Variants in TTLL5 observed in about 807,000 individuals in gnomAD.
TTLL5 encodes the protein tubulin polyglutamylase TTLL5.
In TTLL5, 132 loss-of-function variants were observed where a neutral mutation model predicts 168.4. The ratio of observed to expected loss-of-function variants is 0.78; its 90% confidence interval spans 0.68 to 0.91. The LOEUF (loss-of-function observed/expected upper bound fraction) is 0.91, where lower values mean the gene tolerates loss of function less well. TTLL5 is among the 40% of genes least tolerant of loss of function. The pLI is 0.00. For missense variants in TTLL5, 1,545 were observed against 1,581.5 expected (o/e 0.98, Z 0.39); for synonymous variants, 546 against 558.6 (o/e 0.98, Z 0.32).
chr14:75,750,575 G>A (rs749207329), intron 17 of TTLL5, among the ~76,000 whole-genome samples: 9 of 151,262 alleles, frequency 5.9e-5, no homozygotes, highest in African/African-American at 1.2e-4. Flanking sequence ...TGCAAAATAC[G>A]TGTTAATCCA....
chr14:75,771,704 A>G (rs768249062), intron 20 of TTLL5, 30 bp from the exon 21 acceptor site: 4 of 1,612,804 alleles, frequency 2.5e-6, no homozygotes, highest in East Asian at 4.5e-5. Flanking sequence ...CTTCTGTCAC[A>G]TAACGGTATG....
intron 9 of TTLL5, chr14:75,709,205 C>T (rs1302494869): frequency 3.9e-6 from 3 of 761,886 alleles, no homozygotes; most frequent in African/African-American, 3.4e-5. Flanking sequence ...ATGGGAAATA[C>T]CATGGATAAA....
chr14:75,886,702 C>T (rs901816442), intron 30 of TTLL5: 4 of 1,597,766 alleles, frequency 2.5e-6, no homozygotes, highest in South Asian at 1.1e-5. Context: ...TAATTTAGTA[C>T]CCGCTTCAGA....
intron 20 of TTLL5, among the ~76,000 whole-genome samples, chr14:75,768,791 G>A (rs536340303): frequency 4.5e-4 from 68 of 152,258 alleles, no homozygotes; most frequent in African/African-American, 1.4e-3. Flanking sequence ...GGGTGACATT[G>A]GAGTAGCAGG....
intron 10 of TTLL5, 72 bp from the exon 11 acceptor site, chr14:75,719,663 A>C: frequency 1.6e-5 from 21 of 1,280,684 alleles, no homozygotes; most frequent in South Asian, 3.3e-5. Flanking sequence ...CAAGAAGGCT[A>C]TTTGCAAAGA....
rs550181018 is a variant in TTLL5, at chr14:75,791,045, G to T, written c.2987-1871G>T. On this transcript the variant is annotated intron_variant, in intron 26 of 31. Coordinates refer to ENST00000298832, the MANE Select transcript of TTLL5 (RefSeq NM_015072.5). ...GGCGTGAACCTGGGAGGCGGAGCTT[G>T]CAGTGAGCCAAGATCGCGCCACTGC... Among the ~76,000 whole-genome samples, 8 of 139,720 alleles carry T rather than the reference G, an allele frequency of 5.7e-5. No homozygotes were observed. The East Asian group carries it at 1.7e-3, about 29-fold the overall frequency. 91.7% of individuals were successfully genotyped at this position (139,720 alleles called of 152,430 possible). A position where few individuals can be genotyped will look rare whatever the true frequency, so the allele number is the denominator to read the frequency against.
intron 31 of TTLL5, among the ~76,000 whole-genome samples, chr14:75,931,740 A>G (rs1433613434): frequency 6.6e-6 from 1 of 152,196 alleles, no homozygotes; most frequent in Non-Finnish European, 1.5e-5. Context: ...ACATAGGTTT[A>G]AATTCCAGTC....
intron 21 of TTLL5, among the ~76,000 whole-genome samples, chr14:75,772,652 C>G (rs1220448791): frequency 6.6e-6 from 1 of 151,622 alleles, no homozygotes; most frequent in African/African-American, 2.4e-5. Flanking sequence ...TGGAAGAAGC[C>G]ACAGCCCTTC....
At chr14:75,664,095 A>C (rs1044471788) in intron 2 of TTLL5, among the ~76,000 whole-genome samples, 3 of 152,152 alleles carry the variant, frequency 2.0e-5, no homozygotes, top group Non-Finnish European at 4.4e-5. Flanking sequence ...AAAAAAAAAA[A>C]AAAGAATGAT....
At chr14:75,731,439 G>A (rs1888539313) in intron 12 of TTLL5, among the ~76,000 whole-genome samples, 2 of 148,686 alleles carry the variant, frequency 1.3e-5, no homozygotes, top group Non-Finnish European at 3.0e-5. Flanking sequence ...GTACATTACC[G>A]TGATTTTTGT....
intron 28 of TTLL5, among the ~76,000 whole-genome samples, chr14:75,837,816 CATATAT>C (rs945969365): frequency 4.6e-5 from 7 of 151,962 alleles, no homozygotes; most frequent in African/African-American, 1.7e-4. Context: ...TTTCATTAAA[CATATAT>C]ATATGTGTAT....
rs1414668718 is a variant in TTLL5, at chr14:75,683,591, A to T, written c.306A>T (p.Gly102=). Residue 102 remains glycine, a synonymous_variant, in exon 5 of 32, where the codon GGA becomes GGT. Transcript: ENST00000298832. ...CTGACTATAACCTAATGTGGACAGG[A>T]TCCCACCTGAAGCCCTTCTTACTGC... ...SSTDYNLMWT[G]SHLKPFLLRT... is the part of the protein sequence containing the mutation. The T allele has an allele frequency of 1.2e-6, 2 of 1,613,992 alleles. No homozygotes were observed. Among genetic ancestry groups the T allele is most frequent in the South Asian group, 2.2e-5 (2 of 91,070 alleles).
intron 3 of TTLL5, among the ~76,000 whole-genome samples, chr14:75,676,259 G>C (rs776271898): frequency 1.2e-4 from 18 of 152,120 alleles, no homozygotes; most frequent in Non-Finnish European, 2.4e-4. Context: ...GGCATCCTGT[G>C]GCCCAGTCAA....
intron 31 of TTLL5, among the ~76,000 whole-genome samples, chr14:75,932,915 C>T (rs2034321467): frequency 6.6e-6 from 1 of 152,128 alleles, no homozygotes; most frequent in Non-Finnish European, 1.5e-5. Context: ...ACACCTAGAA[C>T]GATCTCAGTC....
chr14:75,741,379 A>G (rs1889256094), intron 15 of TTLL5, among the ~76,000 whole-genome samples: 1 of 152,032 alleles, frequency 6.6e-6, no homozygotes, highest in Non-Finnish European at 1.5e-5. Context: ...CATTCAGTCA[A>G]CTCATGGGAA....
chr14:75,860,297 T>G (rs934375024), intron 28 of TTLL5, among the ~76,000 whole-genome samples: 4 of 152,226 alleles, frequency 2.6e-5, no homozygotes, highest in Admixed American at 6.5e-5. Context: ...GGGGCCTGGT[T>G]TGGTTTCAGA....
At position 75,766,300 on chromosome 14, in the gene TTLL5, A is replaced by T. The variant is rs1890966914; in HGVS notation, c.1947A>T (p.Lys649Asn). 3 of 1,613,952 alleles carry T rather than the reference A, an allele frequency of 1.9e-6. No individual in the cohort carries two copies. Among genetic ancestry groups the T allele is most frequent in the Non-Finnish European group, 2.5e-6 (3 of 1,179,990 alleles). The stretch of plus-strand genomic sequence containing the variant: ...ATAATAAAGGTGGACACTGCTGCAA[A>T]CTTGAGACTCAGGAGCTAGAGCCTA... ...EWNNKGGHCCKLETQELEPKF... is the reference protein window; with the variant it reads ...EWNNKGGHCCNLETQELEPKF... Residue 649 changes from lysine to asparagine, a missense_variant, in exon 20 of 32, where the codon AAA (lysine) becomes AAT (asparagine). Transcript: ENST00000298832.
Position 75,669,528 on chromosome 14 carries a change from T to C in TTLL5, c.181+6T>C, listed in dbSNP as rs1566807779. The C allele has an allele frequency of 6.2e-7, 1 of 1,612,402 alleles. No individual in the cohort carries two copies. The highest frequency in any genetic ancestry group is 8.5e-7 in the Non-Finnish European group (1 of 1,178,504). ...CAATATTAGAGTAATTGGAGGTGCG[T>C]ATAACCTCTCCCACAGAGGACGGAG... On this transcript the variant is annotated splice_donor_region_variant and intron_variant, in intron 3 of 31. Coordinates refer to ENST00000298832, the MANE Select transcript of TTLL5 (RefSeq NM_015072.5).
chr14:75,872,072 G>T (rs1374913497), intron 29 of TTLL5, among the ~76,000 whole-genome samples: 2 of 152,232 alleles, frequency 1.3e-5, no homozygotes, highest in East Asian at 3.8e-4. Flanking sequence ...AATTGAAAAT[G>T]AAGCAGACCT....
Sources: gnomAD v4.1 joint callset for allele counts (sites outside exome capture counted in the v4.1 genomes callset) on GRCh38, gnomAD v4.1.1 for gene constraint, MANE v1.5 for transcripts, NCBI Gene and HGNC (gene_info 2026-07-23, HGNC 2026-07-21) for gene names.